The following MON2 variants were observed in gnomAD, a reference collection of about 807,000 sequenced individuals.
MON2 encodes protein MON2 homolog.
MON2 carries 84 observed loss-of-function variants against 208.6 expected under a neutral mutation model. The observed-to-expected ratio is 0.40, with a 90% CI of 0.34 to 0.48. MON2 has a LOEUF of 0.48. Ranked by LOEUF, MON2 falls within the 20% of genes least tolerant of loss-of-function variation. MON2 has a pLI of 0.59. For missense variants in MON2, 1,611 were observed against 2,015.4 expected (o/e 0.80, Z 3.84); for synonymous variants, 660 against 694.0 (o/e 0.95, Z 0.77).
At chr12:62,502,467 A>G (rs1393770464) in intron 7 of MON2, among the ~76,000 whole-genome samples, 2 of 151,862 alleles carry the variant, frequency 1.3e-5, no homozygotes, top group Non-Finnish European at 1.5e-5. Context: ...AACTTTAGAC[A>G]TATAACAGTT....
intron 7 of MON2, among the ~76,000 whole-genome samples, chr12:62,504,931 G>A (rs983080651): frequency 1.3e-5 from 2 of 152,168 alleles, no homozygotes; most frequent in African/African-American, 2.4e-5. Flanking sequence ...ATCAAGGATA[G>A]GATACTTAAG....
chr12:62,597,830 A>G lies in MON2; in HGVS notation c.*5081A>G, dbSNP rs1291156020. On this transcript the variant is annotated 3_prime_UTR_variant, in exon 35 of 35. Transcript: ENST00000393630. The stretch of plus-strand genomic sequence containing the variant: ...CACTTTGGGAAGCCAAGGTGGGAGT[A>G]TCACTTGAGGCCAGGAGTTTGAGAC... 2.0e-5 allele frequency: 3 copies of G among 152,234 alleles called. No individual in the cohort carries two copies. The highest frequency in any genetic ancestry group is 7.2e-5 in the African/African-American group (3 of 41,476). 9.4% of individuals were successfully genotyped at this position (152,234 alleles called of 1,614,324 possible).
At chr12:62,557,962 ATTTTTTTTT>A (rs869193690) in intron 25 of MON2, among the ~76,000 whole-genome samples, 26 of 20,860 alleles carry the variant, frequency 1.2e-3, no homozygotes, top group Non-Finnish European at 1.5e-3. Context: ...ATATATATAT[ATTTTTTTTT>A]TTTTTTTTTT....
At chr12:62,541,327 A>T (rs1157555337) in intron 19 of MON2, among the ~76,000 whole-genome samples, 1 of 149,820 alleles carries the variant, frequency 6.7e-6, no homozygotes, top group Non-Finnish European at 1.5e-5. Context: ...GTGAGCCAAG[A>T]TTGCGCCATT....
chr12:62,517,272 A>C (rs2071749510), intron 8 of MON2, among the ~76,000 whole-genome samples: 2 of 152,180 alleles, frequency 1.3e-5, no homozygotes, highest in African/African-American at 4.8e-5. Flanking sequence ...CTGGAAAAAC[A>C]AGTATTCTGT....
chr12:62,490,731 A>G lies in MON2; in HGVS notation c.176-3184A>G, dbSNP rs150609335. Among the ~76,000 whole-genome samples the G allele has an allele frequency of 9.0e-3, 1,378 of 152,308 alleles. 24 individuals carry two copies. The highest frequency in any genetic ancestry group is 0.031 in the African/African-American group (1,302 of 41,586). On this transcript the variant is annotated intron_variant, in intron 2 of 34. Transcript: ENST00000393630. ...TTGTTTTGTTGATCATTTATTCTAGATAACATATAAACTTCCTTTTTGATT... is the reference window on the plus strand; with the variant it reads ...TTGTTTTGTTGATCATTTATTCTAGGTAACATATAAACTTCCTTTTTGATT...
chr12:62,485,953 C>T (rs2069758721), intron 2 of MON2, among the ~76,000 whole-genome samples: 1 of 152,168 alleles, frequency 6.6e-6, no homozygotes, highest in Non-Finnish European at 1.5e-5. Flanking sequence ...TCTCCCGCCT[C>T]GGCCTCTCCA....
chr12:62,504,627 G>C (rs2071013141), intron 7 of MON2, among the ~76,000 whole-genome samples: 1 of 152,164 alleles, frequency 6.6e-6, no homozygotes, highest in Non-Finnish European at 1.5e-5. Context: ...AATTCTCTGT[G>C]TAAGATCCTA....
intron 7 of MON2, among the ~76,000 whole-genome samples, chr12:62,504,448 C>T (rs893054201): frequency 2.0e-5 from 3 of 151,876 alleles, no homozygotes; most frequent in Non-Finnish European, 4.4e-5. Flanking sequence ...GGGGTTTCAC[C>T]GTGTTGGCCA....
chr12:62,548,735 G>A (rs939527572), intron 22 of MON2, among the ~76,000 whole-genome samples: 2 of 152,084 alleles, frequency 1.3e-5, no homozygotes, highest in African/African-American at 4.8e-5. Flanking sequence ...CAGTTAGAAA[G>A]TATGTGACAT....
intron 32 of MON2, among the ~76,000 whole-genome samples, chr12:62,583,236 G>A (rs909120950): frequency 6.6e-6 from 1 of 152,036 alleles, no homozygotes; most frequent in African/African-American, 2.4e-5. Flanking sequence ...GGAGGCTGAG[G>A]TGGGAGGATC....
chr12:62,540,090 AC>A (rs2073166584), intron 19 of MON2, among the ~76,000 whole-genome samples: 1 of 152,198 alleles, frequency 6.6e-6, no homozygotes, highest in Non-Finnish European at 1.5e-5. Flanking sequence ...TTAACACAAA[AC>A]TATAATATTT....
Position 62,476,703 on chromosome 12 carries a change from G to A in MON2, c.112-7467G>A, listed in dbSNP as rs558616722. ...CCACCCACCTCAGCCTCCCAAAGTA[G>A]TGGGATTACAGGCATGAGCCACCAT... On this transcript the variant is annotated intron_variant, in intron 1 of 34. Transcript: ENST00000393630. Among the ~76,000 whole-genome samples, 10 of 152,156 alleles carry A rather than the reference G, an allele frequency of 6.6e-5. No individual in the cohort carries two copies. In the South Asian group the frequency reaches 2.1e-3, roughly 32 times the overall value.
chr12:62,494,168 G>T, intron 3 of MON2, 126 bp downstream of exon 3: 1 of 858,220 alleles, frequency 1.2e-6, no homozygotes, highest in Non-Finnish European at 1.7e-6. Context: ...CGGAGAAAAT[G>T]GCTTTATTTA....
intron 19 of MON2, among the ~76,000 whole-genome samples, chr12:62,538,959 T>C (rs1426184477): frequency 1.3e-5 from 2 of 152,076 alleles, no homozygotes; most frequent in African/African-American, 4.8e-5. Flanking sequence ...TCTTGAAAAT[T>C]TAAATTTTTA....
intron 26 of MON2, among the ~76,000 whole-genome samples, chr12:62,561,740 G>A (rs1021513076): frequency 6.6e-6 from 1 of 152,056 alleles, no homozygotes; most frequent in African/African-American, 2.4e-5. Flanking sequence ...TCATCAAAAT[G>A]CTAAGCTTTA....
At chr12:62,504,245 C>CTTTTTTTTTTTT (rs71450586) in intron 7 of MON2, among the ~76,000 whole-genome samples, 1 of 118,604 alleles carries the variant, frequency 8.4e-6, no homozygotes, top group East Asian at 2.3e-4. Context: ...CTTTTCTTTT[C>CTTTTTTTTTTTT]TTTTTTTTTT....
At chr12:62,532,691 T>A in intron 12 of MON2, 21 bp downstream of exon 12, 8 of 1,552,616 alleles carry the variant, frequency 5.2e-6, no homozygotes, top group Non-Finnish European at 6.2e-6. Context: ...GTATTTTTAA[T>A]TTTTATTGGA....
chr12:62,576,094 T>C (rs1364023588), intron 30 of MON2, among the ~76,000 whole-genome samples: 1 of 152,070 alleles, frequency 6.6e-6, no homozygotes, highest in Non-Finnish European at 1.5e-5. Context: ...AAAAGACAAA[T>C]TGAATGTAAT....
Sources: allele counts gnomAD v4.1 joint callset (sites outside exome capture counted in the v4.1 genomes callset), GRCh38; gene constraint gnomAD v4.1.1; transcripts MANE v1.5; gene names NCBI Gene and HGNC (gene_info 2026-07-23, HGNC 2026-07-21).